WDFY2: variants seen among roughly 807,000 people sequenced by gnomAD.
The protein encoded by WDFY2 is WD repeat and FYVE domain containing 2.
Under a neutral mutation model 56.4 loss-of-function variants are expected in WDFY2, and 36 were observed. The observed-to-expected ratio is 0.64, with a 90% confidence interval of 0.49 to 0.84. The LOEUF (loss-of-function observed/expected upper bound fraction) is 0.84, where lower values mean the gene tolerates loss of function less well. Ranked by LOEUF, WDFY2 falls within the 40% of genes least tolerant of loss-of-function variation. The pLI is 0.00. For missense variants in WDFY2, 444 were observed against 512.2 expected (o/e 0.87, Z 1.29); for synonymous variants, 176 against 183.7 (o/e 0.96, Z 0.34).
intron 3 of WDFY2, among the ~76,000 whole-genome samples, chr13:51,684,664 G>T (rs527360689): frequency 2.0e-5 from 3 of 151,886 alleles, no homozygotes; most frequent in Non-Finnish European, 2.9e-5. Context: ...TCAGTAAATG[G>T]CATCAATGAG....
In WDFY2 at chr13:51,761,009, G is replaced by A. The variant is rs923098015; in HGVS notation, c.*1240G>A. 1 of 152,208 alleles carries A rather than the reference G, an allele frequency of 6.6e-6. No homozygotes were observed. The highest frequency in any genetic ancestry group is 1.5e-5 in the Non-Finnish European group (1 of 68,056). 9.4% of individuals were successfully genotyped at this position (152,208 alleles called of 1,614,324 possible). A position where few individuals can be genotyped will look rare whatever the true frequency, so the allele number is the denominator to read the frequency against. On this transcript the variant is annotated 3_prime_UTR_variant, in exon 12 of 12. Transcript: ENST00000298125. ...TGTTTTTCTGTGTGACATCATCTCTGAACTTGAACATGTTCATTACGGCAA... is the reference window on the plus strand; with the variant it reads ...TGTTTTTCTGTGTGACATCATCTCTAAACTTGAACATGTTCATTACGGCAA...
rs1398573171 is a variant in WDFY2, at chr13:51,690,197, T to A, written c.280-13399T>A. On this transcript the variant is annotated intron_variant, in intron 3 of 11. Transcript: ENST00000298125. ...TGATTTAGATCATTATATATATATA[T>A]TTTTTTTATTATTATACTTTAAGTT... is the stretch of plus-strand genomic sequence containing the variant. 1.5e-3 allele frequency among the ~76,000 whole-genome samples: 223 copies of A among 149,422 alleles called. 1 individual carries two copies. Among genetic ancestry groups the A allele is most frequent in the African/African-American group, 5.2e-3 (215 of 41,020 alleles).
intron 5 of WDFY2, 100 bp downstream of exon 5, chr13:51,719,448 T>C: frequency 7.5e-7 from 1 of 1,340,646 alleles, no homozygotes; most frequent in East Asian, 2.4e-5. Flanking sequence ...GTTTTGTTAA[T>C]GACAGTTGCC....
chr13:51,733,789 A>G (rs1158512286), intron 6 of WDFY2, among the ~76,000 whole-genome samples: 1 of 152,198 alleles, frequency 6.6e-6, no homozygotes, highest in East Asian at 1.9e-4. Context: ...GCTTCTGTCT[A>G]GAGCATGTAT....
At position 51,759,315 on chromosome 13, in the gene WDFY2, G is replaced by A. The variant is rs370579627; in HGVS notation, c.1174-425G>A. 8.5e-5 allele frequency among the ~76,000 whole-genome samples: 13 copies of A among 152,340 alleles called. 1 individual carries two copies. In the South Asian group the frequency reaches 1.4e-3, roughly 17 times the overall value. On this transcript the variant is annotated intron_variant, in intron 11 of 11. Coordinates refer to ENST00000298125, the MANE Select transcript of WDFY2 (RefSeq NM_052950.4). ...AGCACGTGCTTGGCGTCCAGTTAAT[G>A]GATTGAGTTATTTAATGGATTCAAT...
chr13:51,762,906 C>T lies in WDFY2; in HGVS notation c.*3137C>T, dbSNP rs1953632567. ...TGGTTCCTCCAAACGAATGACATTA[C>T]TTGACATTACTGCCTGAGTGTATCT... On this transcript the variant is annotated 3_prime_UTR_variant, in exon 12 of 12. Transcript: ENST00000298125. 6.6e-6 allele frequency: 1 copy of T among 152,210 alleles called. No individual in the cohort carries two copies. The highest frequency in any genetic ancestry group is 1.5e-5 in the Non-Finnish European group (1 of 68,038). The allele number at this position is 152,210 out of a possible 1,614,324, so 9.4% of individuals were successfully genotyped here. A position where few individuals can be genotyped will look rare whatever the true frequency, so the allele number is the denominator to read the frequency against.
At chr13:51,739,297 C>T in intron 7 of WDFY2, 122 bp downstream of exon 7, 1 of 1,136,546 alleles carries the variant, frequency 8.8e-7, no homozygotes, top group Non-Finnish European at 1.2e-6. Context: ...GGCGGGAACA[C>T]AAATACTGGC....
chr13:51,586,268 A>G, intron 1 of WDFY2: 1 of 387,932 alleles, frequency 2.6e-6, no homozygotes, highest in Admixed American at 4.4e-5. Flanking sequence ...ATATTGAAGG[A>G]ATATATTGGT....
At chr13:51,654,130 C>T (rs1257205369) in intron 1 of WDFY2, among the ~76,000 whole-genome samples, 1 of 152,210 alleles carries the variant, frequency 6.6e-6, no homozygotes, top group Non-Finnish European at 1.5e-5. Context: ...AGCCTCGCTG[C>T]TGCCTTGCAT....
chr13:51,642,728 T>C (rs1179578922), intron 1 of WDFY2, among the ~76,000 whole-genome samples: 1 of 145,760 alleles, frequency 6.9e-6, no homozygotes, highest in Non-Finnish European at 1.5e-5. Flanking sequence ...GTCGCCAGGC[T>C]GAAGTGCAGT....
intron 4 of WDFY2, among the ~76,000 whole-genome samples, chr13:51,709,778 C>T (rs1298795841): frequency 1.3e-5 from 2 of 152,082 alleles, no homozygotes; most frequent in Non-Finnish European, 2.9e-5. Context: ...GGTTCTGAAA[C>T]TGAGGCAATA....
At chr13:51,714,773 C>T (rs1039675836) in intron 4 of WDFY2, among the ~76,000 whole-genome samples, 1 of 152,178 alleles carries the variant, frequency 6.6e-6, no homozygotes. Context: ...GACAGTGACA[C>T]ATTCTGAGAA....
intron 1 of WDFY2, among the ~76,000 whole-genome samples, chr13:51,610,781 C>T (rs1954487507): frequency 6.6e-6 from 1 of 152,158 alleles, no homozygotes; most frequent in Non-Finnish European, 1.5e-5. Flanking sequence ...TGTTTTTATA[C>T]TATAGATATT....
chr13:51,607,131 TAGC>T (rs1954397635), intron 1 of WDFY2, among the ~76,000 whole-genome samples: 1 of 152,234 alleles, frequency 6.6e-6, no homozygotes, highest in Non-Finnish European at 1.5e-5. Context: ...TACCATAACA[TAGC>T]ATATTTCATT....
intron 3 of WDFY2, among the ~76,000 whole-genome samples, chr13:51,682,272 G>C (rs1041262977): frequency 5.9e-5 from 9 of 152,148 alleles, no homozygotes; most frequent in African/African-American, 2.2e-4. Context: ...AGAGTATTAT[G>C]TTCCAAGTTA....
Position 51,760,130 on chromosome 13 carries a change from AC to A in WDFY2, c.*362del. 5.1e-6 allele frequency: 1 copy of A among 195,348 alleles called. No homozygotes were observed. Among genetic ancestry groups the A allele is most frequent in the Non-Finnish European group, 1.0e-5 (1 of 95,832 alleles). 12.1% of individuals were successfully genotyped at this position (195,348 alleles called of 1,614,324 possible). A position where few individuals can be genotyped will look rare whatever the true frequency, so the allele number is the denominator to read the frequency against. ...TGTCAGAGAAATAAGGGAGGTATCT[AC>A]TCAGAGTATTTTGGTCATTATACTT... is the stretch of plus-strand genomic sequence containing the variant. On this transcript the variant is annotated 3_prime_UTR_variant, in exon 12 of 12. Coordinates refer to ENST00000298125, the MANE Select transcript of WDFY2 (RefSeq NM_052950.4).
chr13:51,693,777 G>A (rs1951800235), intron 3 of WDFY2, among the ~76,000 whole-genome samples: 1 of 152,204 alleles, frequency 6.6e-6, no homozygotes, highest in Non-Finnish European at 1.5e-5. Context: ...AATGTTGACA[G>A]TGGGGTGTTC....
intron 1 of WDFY2, among the ~76,000 whole-genome samples, chr13:51,646,507 ATG>A (rs1040867279): frequency 6.6e-6 from 1 of 152,152 alleles, no homozygotes; most frequent in African/African-American, 2.4e-5. Flanking sequence ...GTAATGTTCT[ATG>A]ACCTGTCTCC....
At chr13:51,616,133 G>A (rs1306927574) in intron 1 of WDFY2, among the ~76,000 whole-genome samples, 1 of 152,126 alleles carries the variant, frequency 6.6e-6, no homozygotes, top group African/African-American at 2.4e-5. Flanking sequence ...GCTACTGGGC[G>A]GACTGAGGTG....
Sources: allele counts gnomAD v4.1 joint callset (sites outside exome capture counted in the v4.1 genomes callset), GRCh38; gene constraint gnomAD v4.1.1; transcripts MANE v1.5; gene names NCBI Gene and HGNC (gene_info 2026-07-23, HGNC 2026-07-21).